PTK2: variants seen among roughly 807,000 people sequenced by gnomAD.
PTK2 encodes the protein focal adhesion kinase 1.
PTK2 carries 45 observed loss-of-function variants against 150.1 expected under a neutral mutation model. The observed-to-expected ratio is 0.30, with a 90% CI of 0.24 to 0.38. The LOEUF (loss-of-function observed/expected upper bound fraction) is 0.38. Ranked by LOEUF, PTK2 falls within the 10% of genes least tolerant of loss-of-function variation. The pLI is 1.00. For missense variants in PTK2, 919 were observed against 1,307.3 expected, an observed-to-expected ratio of 0.70 and a Z score of 4.58; for synonymous variants, 432 against 449.2, an observed-to-expected ratio of 0.96 and a Z score of 0.48.
intron 30 of PTK2, among the ~76,000 whole-genome samples, chr8:140,667,792 T>A (rs2093226906): frequency 6.6e-6 from 1 of 152,210 alleles, no homozygotes; most frequent in South Asian, 2.1e-4. Context: ...ATCCTCCCAA[T>A]GTACCTTTCT....
chr8:140,770,389 A>G (rs1041835369), intron 14 of PTK2, among the ~76,000 whole-genome samples: 2 of 152,292 alleles, frequency 1.3e-5, no homozygotes, highest in East Asian at 1.9e-4. Flanking sequence ...CCATGATGCA[A>G]AAAGTGTGAT....
intron 27 of PTK2, among the ~76,000 whole-genome samples, chr8:140,676,612 GC>G (rs1443842870): frequency 7.0e-5 from 10 of 142,280 alleles, no homozygotes; most frequent in Non-Finnish European, 1.6e-4. Flanking sequence ...GTCGGTGGGG[GC>G]GGGGGGAACA....
At chr8:140,695,458 T>C (rs1159918193) in intron 26 of PTK2, among the ~76,000 whole-genome samples, 1 of 151,778 alleles carries the variant, frequency 6.6e-6, no homozygotes, top group East Asian at 1.9e-4. Context: ...TCACCCAGGC[T>C]GGAGTGTAGT....
At chr8:140,849,018 A>G (rs1246187209) in intron 5 of PTK2, among the ~76,000 whole-genome samples, 5 of 152,192 alleles carry the variant, frequency 3.3e-5, no homozygotes, top group South Asian at 2.1e-4. Flanking sequence ...CCAAATTCGC[A>G]TTGTAAAAAT....
Position 140,830,463 on chromosome 8 carries a change from T to G in PTK2, c.648+9A>C. On this transcript the variant is annotated intron_variant, in intron 8 of 31. Transcript: ENST00000522684. ...GTTATTTTATTATGATAAAGGAGAC[T>G]CTAATTACCTTGACAGAATCCAGTA... 1 of 1,510,542 alleles carries G rather than the reference T, an allele frequency of 6.6e-7. No homozygotes were observed. The highest frequency in any genetic ancestry group is 9.0e-7 in the Non-Finnish European group (1 of 1,111,302). The allele number at this position is 1,510,542 out of a possible 1,614,324, so 93.6% of individuals were successfully genotyped here. A position where few individuals can be genotyped will look rare whatever the true frequency, so the allele number is the denominator to read the frequency against.
intron 29 of PTK2, among the ~76,000 whole-genome samples, chr8:140,670,488 A>AACACGCACAC (rs1554645800): frequency 2.6e-5 from 1 of 38,944 alleles, no homozygotes; most frequent in African/African-American, 7.6e-5. Context: ...AAAAAACAAC[A>AACACGCACAC]ACACACACAC....
At chr8:140,832,758 A>C (rs2100116234) in intron 7 of PTK2, 1 of 504,666 alleles carries the variant, frequency 2.0e-6, no homozygotes, top group East Asian at 5.5e-5. Flanking sequence ...CCGAGAACAG[A>C]AAGGTGGGTG....
chr8:140,925,901 A>G (rs991375367), intron 1 of PTK2, among the ~76,000 whole-genome samples, 152 bp from the exon 2 acceptor site: 2 of 152,252 alleles, frequency 1.3e-5, no homozygotes, highest in African/African-American at 4.8e-5. Context: ...TAATGAAAAT[A>G]TAATTTTGAC....
intron 9 of PTK2, 143 bp from the exon 10 acceptor site, chr8:140,818,497 T>C (rs1257571553): frequency 2.8e-6 from 2 of 712,464 alleles, no homozygotes; most frequent in Non-Finnish European, 4.8e-6. Flanking sequence ...TAAGATAAAA[T>C]ATTTATAACT....
At chr8:140,662,679 C>A (rs774450559) in intron 31 of PTK2, 3 of 574,582 alleles carry the variant, frequency 5.2e-6, no homozygotes, top group East Asian at 2.8e-5. Context: ...TGTGTCCAAC[C>A]GTCCTTCAGA....
intron 14 of PTK2, among the ~76,000 whole-genome samples, chr8:140,767,260 CT>C (rs56135573): frequency 0.034 from 4,961 of 147,126 alleles, 252 homozygotes; most frequent in African/African-American, 0.11. Context: ...AAATTTCTTT[CT>C]TTTTTTTTTT....
intron 29 of PTK2, among the ~76,000 whole-genome samples, chr8:140,670,741 G>A (rs1053847557): frequency 6.6e-6 from 1 of 152,056 alleles, no homozygotes; most frequent in Non-Finnish European, 1.5e-5. Flanking sequence ...TCTGCACTGA[G>A]AGTCACAGTG....
rs35987927 is a variant in PTK2, at chr8:140,995,083, CA to C, written c.-122+6041del. Among the ~76,000 whole-genome samples the C allele has an allele frequency of 7.9e-3, 961 of 122,256 alleles. 12 individuals carry two copies. The highest frequency in any genetic ancestry group is 0.024 in the African/African-American group (764 of 31,760). 80.2% of individuals were successfully genotyped at this position (122,256 alleles called of 152,430 possible). A position where few individuals can be genotyped will look rare whatever the true frequency, so the allele number is the denominator to read the frequency against. On this transcript the variant is annotated intron_variant, in intron 1 of 31. Transcript: ENST00000522684. ...GGGCAACAAGAGTGAAACTCTGTCT[CA>C]AAAAAAAAAAAAAAAGGACGGGCAC... is the stretch of plus-strand genomic sequence containing the variant.
intron 12 of PTK2, among the ~76,000 whole-genome samples, chr8:140,798,958 A>G (rs1251263730): frequency 6.6e-6 from 1 of 152,244 alleles, no homozygotes; most frequent in African/African-American, 2.4e-5. Flanking sequence ...AGATTTCTGA[A>G]AGCAACTTCA....
At chr8:140,974,657 C>T (rs2100188620) in intron 1 of PTK2, among the ~76,000 whole-genome samples, 1 of 152,150 alleles carries the variant, frequency 6.6e-6, no homozygotes, top group South Asian at 2.1e-4. Flanking sequence ...CCAACACAAA[C>T]CTTTAGAGTA....
intron 1 of PTK2, among the ~76,000 whole-genome samples, chr8:140,985,080 C>T (rs568237331): frequency 1.3e-5 from 2 of 152,234 alleles, no homozygotes; most frequent in East Asian, 3.9e-4. Flanking sequence ...AAATACTGTG[C>T]AAATGGACAG....
At chr8:140,672,358 A>G in intron 29 of PTK2, among the ~76,000 whole-genome samples, 1 of 152,250 alleles carries the variant, frequency 6.6e-6, no homozygotes, top group South Asian at 2.1e-4. Context: ...TTATTGAAAG[A>G]AGCCAATATT....
intron 5 of PTK2, among the ~76,000 whole-genome samples, chr8:140,847,420 C>T (rs1414936231): frequency 1.3e-5 from 2 of 152,168 alleles, no homozygotes; most frequent in African/African-American, 4.8e-5. Flanking sequence ...GATATCAATA[C>T]GTGCAAGTAA....
chr8:140,829,348 T>G (rs369281648), intron 8 of PTK2, among the ~76,000 whole-genome samples: 2 of 152,334 alleles, frequency 1.3e-5, no homozygotes, highest in East Asian at 1.9e-4. Flanking sequence ...CTGGATGGGT[T>G]TGACAGAGAG....
Sources: allele counts gnomAD v4.1 joint callset (sites outside exome capture counted in the v4.1 genomes callset), GRCh38; gene constraint gnomAD v4.1.1; transcripts MANE v1.5; gene names NCBI Gene and HGNC (gene_info 2026-07-23, HGNC 2026-07-21).